Variants in NMNAT2 observed in about 807,000 individuals in gnomAD.
The protein encoded by NMNAT2 is nicotinamide nucleotide adenylyltransferase 2.
Under a neutral mutation model 41.6 loss-of-function variants are expected in NMNAT2, and 11 were observed. The observed-to-expected ratio is 0.26, with a 90% CI of 0.17 to 0.44. NMNAT2 has a LOEUF of 0.44. Among genes scored for constraint, NMNAT2 ranks in the 20% least tolerant of loss-of-function variants. NMNAT2 has a pLI of 1.00. For synonymous variants in NMNAT2, 148 were observed against 151.2 expected (o/e 0.98, Z 0.16); for missense variants, 288 against 407.7 (o/e 0.71, Z 2.53).
intron 1 of NMNAT2, among the ~76,000 whole-genome samples, chr1:183,308,322 G>A (rs546062524): frequency 1.3e-5 from 2 of 152,288 alleles, no homozygotes; most frequent in South Asian, 4.1e-4. Context: ...CGTGAGGATG[G>A]GGAAGTGTAC....
At chr1:183,266,942 A>G in intron 8 of NMNAT2, 1 of 165,412 alleles carries the variant, frequency 6.0e-6, no homozygotes, top group South Asian at 1.4e-4. Flanking sequence ...AAGAGGCAAC[A>G]ATCGGATATG....
intron 4 of NMNAT2, among the ~76,000 whole-genome samples, chr1:183,287,138 G>C (rs1661421378): frequency 6.6e-6 from 1 of 152,072 alleles, no homozygotes; most frequent in Non-Finnish European, 1.5e-5. Context: ...ACACAAGCGA[G>C]CATATGCAAA....
chr1:183,278,616 C>T lies in NMNAT2; in HGVS notation c.588G>A (p.Leu196=). 6.2e-7 allele frequency: 1 copy of T among 1,613,746 alleles called. No homozygotes were observed. Among genetic ancestry groups the T allele is most frequent in the Non-Finnish European group, 8.5e-7 (1 of 1,179,668 alleles). The change falls in exon 8 of 11, where the codon CTG becomes CTA. Residue 196 remains leucine, a synonymous_variant. Coordinates refer to ENST00000287713, the MANE Select transcript of NMNAT2 (RefSeq NM_015039.4). The part of the protein sequence containing the change: ...MRYEEIELRI[L]LLCGSDLLES... The stretch of plus-strand genomic sequence containing the variant: ...CCAGCAGGTCACTACCACACAGCAG[C>T]AGGATCCGTAGCTCTGAGGAAGGGG...
chr1:183,372,283 GA>G (rs955461611), intron 1 of NMNAT2, among the ~76,000 whole-genome samples: 3 of 152,054 alleles, frequency 2.0e-5, no homozygotes, highest in South Asian at 2.1e-4. Context: ...CATCAAACCA[GA>G]AAAAACAGAG....
intron 1 of NMNAT2, among the ~76,000 whole-genome samples, chr1:183,343,337 A>C (rs1662859533): frequency 6.6e-6 from 1 of 152,202 alleles, no homozygotes; most frequent in Admixed American, 6.5e-5. Context: ...ATATCTATTG[A>C]ACAACCACAA....
chr1:183,368,858 C>A (rs141609535), intron 1 of NMNAT2, among the ~76,000 whole-genome samples: 20 of 152,234 alleles, frequency 1.3e-4, no homozygotes, highest in Non-Finnish European at 2.2e-4. Context: ...GAGCCGGCAA[C>A]TCATGAAGTG....
At chr1:183,401,589 T>C (rs1371340429) in intron 1 of NMNAT2, among the ~76,000 whole-genome samples, 1 of 152,104 alleles carries the variant, frequency 6.6e-6, no homozygotes, top group Non-Finnish European at 1.5e-5. Flanking sequence ...GAATATAAAT[T>C]ATGCTGCTAT....
intron 1 of NMNAT2, among the ~76,000 whole-genome samples, chr1:183,311,081 G>A (rs867406622): frequency 1.3e-5 from 2 of 152,204 alleles, no homozygotes; most frequent in Middle Eastern, 3.4e-3. Context: ...GAGGTGCCCT[G>A]GTCTAGAACC....
chr1:183,363,519 C>T (rs1663347483), intron 1 of NMNAT2, among the ~76,000 whole-genome samples: 1 of 151,786 alleles, frequency 6.6e-6, no homozygotes, highest in South Asian at 2.1e-4. Context: ...AGGCAGGGCC[C>T]CCAATTGGAA....
At chr1:183,255,852 C>G (rs1240373024) in intron 10 of NMNAT2, among the ~76,000 whole-genome samples, 1 of 151,834 alleles carries the variant, frequency 6.6e-6, no homozygotes, top group Non-Finnish European at 1.5e-5. Flanking sequence ...CTGTTAGAGA[C>G]AGGGTTTCAC....
chr1:183,255,808 C>A (rs961860988), intron 10 of NMNAT2, among the ~76,000 whole-genome samples: 2 of 151,866 alleles, frequency 1.3e-5, no homozygotes, highest in Non-Finnish European at 2.9e-5. Flanking sequence ...GGATTACAGG[C>A]ACAAGCCACA....
chr1:183,410,727 TTC>T (rs1265333390), intron 1 of NMNAT2, among the ~76,000 whole-genome samples: 29 of 150,824 alleles, frequency 1.9e-4, no homozygotes, highest in Non-Finnish European at 2.1e-4. Context: ...CAGAATGCCA[TTC>T]TCTCTCTCTT....
At chr1:183,325,443 T>C (rs551310836) in intron 1 of NMNAT2, among the ~76,000 whole-genome samples, 1 of 152,274 alleles carries the variant, frequency 6.6e-6, no homozygotes, top group South Asian at 2.1e-4. Context: ...GATGGAAAAA[T>C]GAGAAGTGTC....
chr1:183,296,246 A>C (rs7545564), intron 1 of NMNAT2, among the ~76,000 whole-genome samples: 1 of 151,978 alleles, frequency 6.6e-6, no homozygotes, highest in Non-Finnish European at 1.5e-5. Context: ...TGCTGCTTCC[A>C]GTTTTTAGTG....
intron 1 of NMNAT2, among the ~76,000 whole-genome samples, chr1:183,383,569 G>A (rs116951257): frequency 2.1e-4 from 32 of 152,190 alleles, no homozygotes; most frequent in East Asian, 1.9e-3. Flanking sequence ...ATCACCATAC[G>A]CTGTTAGATG....
intron 1 of NMNAT2, among the ~76,000 whole-genome samples, chr1:183,335,202 G>A (rs1662658561): frequency 6.6e-6 from 1 of 152,240 alleles, no homozygotes; most frequent in Non-Finnish European, 1.5e-5. Context: ...CAAACAACTA[G>A]TTTCCTTCTT....
chr1:183,282,628 G>A (rs1220020740), intron 7 of NMNAT2, among the ~76,000 whole-genome samples: 1 of 152,246 alleles, frequency 6.6e-6, no homozygotes, highest in Non-Finnish European at 1.5e-5. Flanking sequence ...GGCAGCAGGT[G>A]GTGACCAGGC....
At chr1:183,417,514 C>A (rs892236510) in intron 1 of NMNAT2, among the ~76,000 whole-genome samples, 2 of 152,102 alleles carry the variant, frequency 1.3e-5, no homozygotes, top group Non-Finnish European at 2.9e-5. Context: ...GCCCCCTCCC[C>A]GTCCTAGGCA....
At position 183,410,676 on chromosome 1, in the gene NMNAT2, G is replaced by A. The variant is rs147504390; in HGVS notation, c.85+7507C>T. 3.4e-3 allele frequency among the ~76,000 whole-genome samples: 510 copies of A among 151,858 alleles called. 6 individuals carry two copies. Among genetic ancestry groups the A allele is most frequent in the African/African-American group, 0.012 (489 of 41,424 alleles). On this transcript the variant is annotated intron_variant, in intron 1 of 10. Coordinates refer to ENST00000287713, the MANE Select transcript of NMNAT2 (RefSeq NM_015039.4). ...AAGTTCCCTAGAAATTCCTTAATGCGCCATGCTGTTGAGGCTTCCATACAT... is the reference window on the plus strand; with the variant it reads ...AAGTTCCCTAGAAATTCCTTAATGCACCATGCTGTTGAGGCTTCCATACAT...
Sources: allele counts gnomAD v4.1 joint callset (sites outside exome capture counted in the v4.1 genomes callset), GRCh38; gene constraint gnomAD v4.1.1; transcripts MANE v1.5; gene names NCBI Gene and HGNC (gene_info 2026-07-23, HGNC 2026-07-21).